Variants in MTURN observed in about 807,000 individuals in gnomAD.
MTURN encodes the protein maturin, neural progenitor differentiation regulator homolog.
MTURN carries 7 observed loss-of-function variants against 14.9 expected under a neutral mutation model. The observed-to-expected ratio is 0.47, with a 90% CI of 0.27 to 0.88. The LOEUF (loss-of-function observed/expected upper bound fraction) is 0.88, where lower values mean the gene tolerates loss of function less well. MTURN is among the 40% of genes least tolerant of loss of function. MTURN has a pLI of 0.14. For synonymous variants in MTURN, 69 were observed against 72.5 expected (o/e 0.95, Z 0.25); for missense variants, 151 against 174.1 (o/e 0.87, Z 0.75).
intron 2 of MTURN, among the ~76,000 whole-genome samples, chr7:30,149,010 C>T (rs4722969): frequency 0.75 from 113,456 of 152,032 alleles, 42,499 homozygotes; most frequent in East Asian, 0.92. Flanking sequence ...CTGTGGGTGT[C>T]GTCTGTGGTG....
At chr7:30,141,669 C>T (rs1032354949) in intron 1 of MTURN, among the ~76,000 whole-genome samples, 7 of 152,162 alleles carry the variant, frequency 4.6e-5, no homozygotes, top group Admixed American at 1.3e-4. Context: ...ACTACAGGTG[C>T]GCACCACCAC....
rs1797349260 is a variant in MTURN, at chr7:30,160,261, C to T, written c.*2713C>T. 1 of 152,282 alleles carries T rather than the reference C, an allele frequency of 6.6e-6. No individual in the cohort carries two copies. The highest frequency in any genetic ancestry group is 2.1e-4 in the South Asian group (1 of 4,830). The allele number at this position is 152,282 out of a possible 1,614,324, so 9.4% of individuals were successfully genotyped here. On this transcript the variant is annotated 3_prime_UTR_variant, in exon 3 of 3. Transcript: ENST00000324453. The stretch of plus-strand genomic sequence containing the variant: ...TGCTGACCCCTGCACTACCTTAGAA[C>T]ATGTTGATCTGTGAGTGCCCAAGCC...
chr7:30,143,565 ACC>A (rs1045838228), intron 1 of MTURN, among the ~76,000 whole-genome samples: 1 of 151,532 alleles, frequency 6.6e-6, no homozygotes, highest in Non-Finnish European at 1.5e-5. Context: ...CTGAGTCCAA[ACC>A]CCATGCCACT....
intron 1 of MTURN, 90 bp downstream of exon 1, chr7:30,135,388 C>A: frequency 7.9e-7 from 1 of 1,262,066 alleles, no homozygotes; most frequent in Non-Finnish European, 1.0e-6. Flanking sequence ...CGGTGGGCGG[C>A]GGTGGGCGCA....
intron 2 of MTURN, among the ~76,000 whole-genome samples, chr7:30,156,585 G>A (rs1055660304): frequency 1.3e-5 from 2 of 152,128 alleles, no homozygotes; most frequent in African/African-American, 4.8e-5. Flanking sequence ...CCAGCACTTT[G>A]GGAAGCTGAG....
chr7:30,152,535 C>T (rs1019463376), intron 2 of MTURN, among the ~76,000 whole-genome samples: 1 of 152,180 alleles, frequency 6.6e-6, no homozygotes, highest in Non-Finnish European at 1.5e-5. Flanking sequence ...ATTATCCACA[C>T]CTACACATAG....
chr7:30,137,072 G>A (rs372356087), intron 1 of MTURN, among the ~76,000 whole-genome samples: 3 of 151,316 alleles, frequency 2.0e-5, no homozygotes, highest in African/African-American at 7.4e-5. Context: ...CTTTTTGGAA[G>A]GAGTGGGAGA....
Position 30,150,048 on chromosome 7 carries a change from A to G in MTURN, c.285+3749A>G, listed in dbSNP as rs141128104. 3.1e-3 allele frequency among the ~76,000 whole-genome samples: 465 copies of G among 152,346 alleles called. 1 individual carries two copies. The highest frequency in any genetic ancestry group is 0.01 in the African/African-American group (434 of 41,578). On this transcript the variant is annotated intron_variant, in intron 2 of 2. Transcript: ENST00000324453. ...CCCGGATTTAAGTCTCAGTTCTACC[A>G]CTTGCTGGCTGTGTGACCTTAGACA... is the stretch of plus-strand genomic sequence containing the variant.
intron 1 of MTURN, chr7:30,137,335 AC>A (rs1307147420): frequency 1.0e-5 from 3 of 292,702 alleles, no homozygotes; most frequent in African/African-American, 6.6e-5. Context: ...CCCAGGCCAT[AC>A]CCAAAGAAAT....
intron 2 of MTURN, among the ~76,000 whole-genome samples, chr7:30,154,538 A>G (rs757264556): frequency 6.6e-6 from 1 of 152,190 alleles, no homozygotes; most frequent in Admixed American, 6.5e-5. Context: ...GCTGCCTTCA[A>G]TCTCTCATGT....
At chr7:30,146,005 C>A in intron 1 of MTURN, 172 bp from the exon 2 acceptor site, 1 of 1,548,388 alleles carries the variant, frequency 6.5e-7, no homozygotes, top group Non-Finnish European at 8.7e-7. Flanking sequence ...GACATTTTTT[C>A]TTCCCTTTCA....
chr7:30,137,869 C>T (rs1796990090), intron 1 of MTURN, among the ~76,000 whole-genome samples: 1 of 151,898 alleles, frequency 6.6e-6, no homozygotes, highest in Admixed American at 6.5e-5. Flanking sequence ...AAAAGTATTT[C>T]CACATCATTC....
chr7:30,137,315 G>A, intron 1 of MTURN: 1 of 239,114 alleles, frequency 4.2e-6, no homozygotes. Context: ...CAGCCTTCCT[G>A]CTGGGACCGC....
intron 1 of MTURN, among the ~76,000 whole-genome samples, chr7:30,138,112 C>CT (rs919009690): frequency 6.6e-5 from 10 of 151,528 alleles, no homozygotes; most frequent in East Asian, 1.9e-4. Flanking sequence ...CTATGCCATA[C>CT]TTTTTTTTTC....
chr7:30,140,711 A>C (rs1250303156), intron 1 of MTURN, among the ~76,000 whole-genome samples: 1 of 152,086 alleles, frequency 6.6e-6, no homozygotes, highest in Non-Finnish European at 1.5e-5. Flanking sequence ...GTGCCTGTTC[A>C]TATAGAGAGG....
At chr7:30,147,818 C>G (rs1797150580) in intron 2 of MTURN, among the ~76,000 whole-genome samples, 1 of 152,142 alleles carries the variant, frequency 6.6e-6, no homozygotes, top group African/African-American at 2.4e-5. Context: ...AATAGAGTGA[C>G]AAAAACCACT....
intron 1 of MTURN, among the ~76,000 whole-genome samples, chr7:30,136,154 G>A (rs957645999): frequency 3.3e-5 from 5 of 152,346 alleles, no homozygotes; most frequent in African/African-American, 1.2e-4. Context: ...AAGCCCGTTG[G>A]CTTTTCCAGA....
rs1797386165 is a variant in MTURN, at chr7:30,162,291, C to T, written c.*4743C>T. On this transcript the variant is annotated 3_prime_UTR_variant, in exon 3 of 3. Coordinates refer to ENST00000324453, the MANE Select transcript of MTURN (RefSeq NM_152793.3). ...TCAAGTTTCATTTTTTACTAAGCCC[C>T]TTCTGACACCTAGGCAGATAAAGAT... The T allele has an allele frequency of 6.6e-6, 1 of 152,120 alleles. No homozygotes were observed. Among genetic ancestry groups the T allele is most frequent in the African/African-American group, 2.4e-5 (1 of 41,418 alleles). The allele number at this position is 152,120 out of a possible 1,614,324, so 9.4% of individuals were successfully genotyped here.
In MTURN at chr7:30,160,877, T is replaced by G. The variant is rs1797364228; in HGVS notation, c.*3329T>G. ...CTGCACTCAGGTGTCCACTCCTGTC[T>G]CCCAGGCCCAAAGCAGCACATGGTG... On this transcript the variant is annotated 3_prime_UTR_variant, in exon 3 of 3. Coordinates refer to ENST00000324453, the MANE Select transcript of MTURN (RefSeq NM_152793.3). 2 of 152,466 alleles carry G rather than the reference T, an allele frequency of 1.3e-5. No individual in the cohort carries two copies. Among genetic ancestry groups the G allele is most frequent in the Non-Finnish European group, 2.9e-5 (2 of 68,044 alleles). The allele number at this position is 152,466 out of a possible 1,614,324, so 9.4% of individuals were successfully genotyped here.
Sources: allele counts gnomAD v4.1 joint callset (sites outside exome capture counted in the v4.1 genomes callset), GRCh38; gene constraint gnomAD v4.1.1; transcripts MANE v1.5; gene names NCBI Gene and HGNC (gene_info 2026-07-23, HGNC 2026-07-21).